The following SGCZ variants were observed in gnomAD, a reference collection of about 807,000 sequenced individuals.
The protein encoded by SGCZ is sarcoglycan zeta.
In SGCZ, 40 loss-of-function variants were observed where a neutral mutation model predicts 41.3. That is an observed-to-expected ratio of 0.97 (90% confidence interval 0.75 to 1.26). The LOEUF (loss-of-function observed/expected upper bound fraction) is 1.26, where lower values mean the gene tolerates loss of function less well. Among genes scored for constraint, SGCZ ranks in the 50% most tolerant of loss-of-function variants. The probability of loss-of-function intolerance (pLI) is 0.00; values close to 1 mark genes in which losing one functional copy is unlikely to be tolerated. For synonymous variants in SGCZ, 206 were observed against 137.5 expected (o/e 1.50, Z -3.49); for missense variants, 552 against 369.8 (o/e 1.49, Z -4.04).
chr8:14,693,982 A>C (rs1179598267), intron 1 of SGCZ, among the ~76,000 whole-genome samples: 1 of 152,190 alleles, frequency 6.6e-6, no homozygotes, highest in South Asian at 2.1e-4. Context: ...AAGTTTCCAC[A>C]TTTGGAGGTA....
At chr8:14,595,593 T>A (rs1242622381) in intron 1 of SGCZ, among the ~76,000 whole-genome samples, 1 of 152,198 alleles carries the variant, frequency 6.6e-6, no homozygotes, top group Non-Finnish European at 1.5e-5. Context: ...TGGCTAACCT[T>A]GAACTAATTC....
chr8:14,542,618 A>C (rs1273281762), intron 2 of SGCZ, among the ~76,000 whole-genome samples: 1 of 152,130 alleles, frequency 6.6e-6, no homozygotes, highest in Non-Finnish European at 1.5e-5. Flanking sequence ...GTAAGGAAAT[A>C]GATTGTGGAC....
chr8:15,149,530 T>A (rs1799121431), intron 1 of SGCZ, among the ~76,000 whole-genome samples: 1 of 152,140 alleles, frequency 6.6e-6, no homozygotes. Context: ...ACAGACAACT[T>A]GATATGCTCT....
chr8:14,551,597 T>A (rs1019407423), intron 2 of SGCZ, among the ~76,000 whole-genome samples: 1 of 36,470 alleles, frequency 2.7e-5, no homozygotes, highest in Non-Finnish European at 4.4e-5. Context: ...ATAATATATA[T>A]TATATATATT....
chr8:14,543,793 A>G (rs1803540457), intron 2 of SGCZ, among the ~76,000 whole-genome samples: 1 of 152,192 alleles, frequency 6.6e-6, no homozygotes, highest in African/African-American at 2.4e-5. Context: ...TAAATTACAC[A>G]CAAGTACCAT....
intron 1 of SGCZ, among the ~76,000 whole-genome samples, chr8:14,720,393 T>A (rs1331415553): frequency 6.6e-6 from 1 of 152,112 alleles, no homozygotes; most frequent in East Asian, 1.9e-4. Flanking sequence ...ATAAAGAGAA[T>A]AACTACTGTA....
intron 1 of SGCZ, among the ~76,000 whole-genome samples, chr8:14,689,986 A>G (rs73664431): frequency 0.058 from 8,796 of 152,250 alleles, 819 homozygotes; most frequent in African/African-American, 0.2. Flanking sequence ...GGTTAGAAAA[A>G]CAAAGTTTAA....
At chr8:14,466,977 T>A (rs1378749737) in intron 2 of SGCZ, among the ~76,000 whole-genome samples, 1 of 151,912 alleles carries the variant, frequency 6.6e-6, no homozygotes, top group Non-Finnish European at 1.5e-5. Context: ...TTATTTGTTC[T>A]TCTGAATAGG....
intron 2 of SGCZ, among the ~76,000 whole-genome samples, chr8:14,381,818 CA>C (rs1442917001): frequency 6.6e-6 from 1 of 151,634 alleles, no homozygotes; most frequent in East Asian, 1.9e-4. Flanking sequence ...AACAAACAAA[CA>C]AAAAACTTTA....
intron 1 of SGCZ, among the ~76,000 whole-genome samples, chr8:15,177,646 G>A (rs1800039618): frequency 6.6e-6 from 1 of 152,112 alleles, no homozygotes; most frequent in Non-Finnish European, 1.5e-5. Flanking sequence ...TTCAAAGCAA[G>A]ATAAAGATCT....
At chr8:14,375,125 G>A (rs1419290714) in intron 2 of SGCZ, among the ~76,000 whole-genome samples, 1 of 151,492 alleles carries the variant, frequency 6.6e-6, no homozygotes, top group East Asian at 1.9e-4. Flanking sequence ...CAGACAGACA[G>A]ACAGACAGAC....
At chr8:15,060,330 T>C (rs1804874967) in intron 1 of SGCZ, among the ~76,000 whole-genome samples, 1 of 152,000 alleles carries the variant, frequency 6.6e-6, no homozygotes. Context: ...CATGGAATAC[T>C]ATGCAGCCAT....
At chr8:14,378,967 T>A (rs1804252459) in intron 2 of SGCZ, among the ~76,000 whole-genome samples, 1 of 152,180 alleles carries the variant, frequency 6.6e-6, no homozygotes, top group Non-Finnish European at 1.5e-5. Flanking sequence ...AATTAAGAAT[T>A]AATGGATGCT....
At chr8:14,983,943 G>A (rs1268874577) in intron 1 of SGCZ, among the ~76,000 whole-genome samples, 1 of 152,144 alleles carries the variant, frequency 6.6e-6, no homozygotes. Context: ...ATCTCAGGTT[G>A]TTTCAACCAA....
Position 15,198,384 on chromosome 8 carries a change from A to G in SGCZ, c.39+39201T>C, listed in dbSNP as rs367605334. On this transcript the variant is annotated intron_variant, in intron 1 of 7. Coordinates refer to ENST00000382080, the MANE Select transcript of SGCZ (RefSeq NM_139167.4). The stretch of plus-strand genomic sequence containing the variant: ...ATTCTTTTATATAATAAATATGCAT[A>G]TTAAATTTCACAGGGCCTTTAGGGT... Among the ~76,000 whole-genome samples the G allele has an allele frequency of 4.6e-5, 7 of 152,226 alleles. No homozygotes were observed. In the East Asian group the frequency reaches 5.8e-4, roughly 13 times the overall value.
chr8:15,124,615 C>T (rs1240439024), intron 1 of SGCZ, among the ~76,000 whole-genome samples: 6 of 152,150 alleles, frequency 3.9e-5, no homozygotes, highest in Admixed American at 3.9e-4. Flanking sequence ...ATTGTAAAAG[C>T]AATTGCCAAA....
At chr8:14,533,102 G>C (rs1286592555) in intron 2 of SGCZ, among the ~76,000 whole-genome samples, 1 of 151,622 alleles carries the variant, frequency 6.6e-6, no homozygotes, top group Non-Finnish European at 1.5e-5. Context: ...CCATTAACTC[G>C]TCATTTCCAT....
chr8:14,770,973 A>G (rs1004415458), intron 1 of SGCZ, among the ~76,000 whole-genome samples: 4 of 152,286 alleles, frequency 2.6e-5, no homozygotes, highest in African/African-American at 9.6e-5. Context: ...AGGAAGAAAA[A>G]TAGCTTTTAC....
At chr8:14,918,154 G>A (rs772482022) in intron 1 of SGCZ, among the ~76,000 whole-genome samples, 22 of 152,080 alleles carry the variant, frequency 1.4e-4, no homozygotes, top group Non-Finnish European at 3.1e-4. Context: ...GAATATCCTC[G>A]TATTTCTTTC....
Sources: gnomAD v4.1 joint callset for allele counts (sites outside exome capture counted in the v4.1 genomes callset) on GRCh38, gnomAD v4.1.1 for gene constraint, MANE v1.5 for transcripts, NCBI Gene and HGNC (gene_info 2026-07-23, HGNC 2026-07-21) for gene names.